Variants in SLC9A9 observed in about 807,000 individuals in gnomAD.
SLC9A9 encodes the protein sodium/hydrogen exchanger 9.
A neutral mutation model predicts 77.8 loss-of-function variants in SLC9A9; 62 were observed. The observed-to-expected ratio is 0.80, with a 90% CI of 0.65 to 0.98. SLC9A9 has a LOEUF of 0.98. SLC9A9 is among the 50% of genes least tolerant of loss of function. The probability of loss-of-function intolerance (pLI) is 0.00; values close to 1 mark genes in which losing one functional copy is unlikely to be tolerated. For synonymous variants in SLC9A9, 320 were observed against 283.5 expected, an observed-to-expected ratio of 1.13 and a Z score of -1.29; for missense variants, 775 against 774.9, an observed-to-expected ratio of 1.00 and a Z score of 0.00.
chr3:143,704,573 G>A (rs1933908315), intron 4 of SLC9A9, among the ~76,000 whole-genome samples: 1 of 152,046 alleles, frequency 6.6e-6, no homozygotes, highest in Non-Finnish European at 1.5e-5. Flanking sequence ...TCACCTCTAG[G>A]AATATATACA....
chr3:143,432,325 C>A (rs116071465), intron 12 of SLC9A9, among the ~76,000 whole-genome samples: 245 of 152,240 alleles, frequency 1.6e-3, no homozygotes, highest in African/African-American at 5.4e-3. Flanking sequence ...TGGGAACAGG[C>A]CCTGGAAAGG....
intron 6 of SLC9A9, among the ~76,000 whole-genome samples, chr3:143,634,238 T>C (rs1348531693): frequency 1.3e-5 from 2 of 152,192 alleles, no homozygotes; most frequent in Non-Finnish European, 2.9e-5. Context: ...GGGTCCTTTA[T>C]GTCTATCTAT....
intron 12 of SLC9A9, among the ~76,000 whole-genome samples, chr3:143,395,205 A>G (rs1004471469): frequency 6.6e-6 from 1 of 152,220 alleles, no homozygotes; most frequent in African/African-American, 2.4e-5. Flanking sequence ...ACTATACTAT[A>G]AGGCTACAGT....
intron 4 of SLC9A9, among the ~76,000 whole-genome samples, chr3:143,725,281 G>A (rs1214739851): frequency 6.6e-6 from 1 of 152,112 alleles, no homozygotes; most frequent in South Asian, 2.1e-4. Flanking sequence ...CTTTTACACT[G>A]TTGGTGGGAC....
intron 13 of SLC9A9, among the ~76,000 whole-genome samples, chr3:143,379,444 G>A (rs2033250832): frequency 1.3e-5 from 2 of 152,180 alleles, no homozygotes; most frequent in African/African-American, 4.8e-5. Context: ...CTGAAGATAA[G>A]CATTATCCCA....
At chr3:143,358,015 T>C (rs962436402) in intron 14 of SLC9A9, among the ~76,000 whole-genome samples, 1 of 123,618 alleles carries the variant, frequency 8.1e-6, no homozygotes, top group African/African-American at 3.6e-5. Context: ...GAGGGGAAGG[T>C]TTTTCTTTCC....
intron 4 of SLC9A9, among the ~76,000 whole-genome samples, chr3:143,785,926 G>C (rs1335920009): frequency 1.4e-5 from 2 of 139,564 alleles, no homozygotes; most frequent in Non-Finnish European, 3.0e-5. Flanking sequence ...GCGCGATCTC[G>C]ACTCACTGCA....
intron 4 of SLC9A9, among the ~76,000 whole-genome samples, chr3:143,740,259 T>C (rs1181929715): frequency 6.6e-6 from 1 of 152,156 alleles, no homozygotes; most frequent in Non-Finnish European, 1.5e-5. Context: ...GAGATATATA[T>C]ATAGCCAAAT....
chr3:143,525,785 G>A (rs1576553887), intron 9 of SLC9A9, among the ~76,000 whole-genome samples: 1 of 152,052 alleles, frequency 6.6e-6, no homozygotes, highest in African/African-American at 2.4e-5. Context: ...GAGAAGAAAA[G>A]TAAATGATAT....
rs375754709 is a variant in SLC9A9 at position 143,652,246 on chromosome 3, G to C, written c.755+9C>G. On this transcript the variant is annotated intron_variant, in intron 6 of 15. Transcript: ENST00000316549. ...ATTAAAGAAACATAGGCCAAGTTCT[G>C]GTACTTACTATGTAAGGACTATGGC... 7.0e-5 allele frequency: 112 copies of C among 1,597,216 alleles called. No individual in the cohort carries two copies. The Admixed American group carries it at 9.6e-4, about 14-fold the overall frequency.
intron 10 of SLC9A9, 59 bp downstream of exon 10, chr3:143,495,276 A>G (rs1271334215): frequency 5.0e-6 from 7 of 1,398,168 alleles, no homozygotes; most frequent in Non-Finnish European, 7.1e-6. Flanking sequence ...AATAATTCGT[A>G]AAAGTAAGTC....
At chr3:143,659,376 G>A (rs2038946212) in intron 5 of SLC9A9, among the ~76,000 whole-genome samples, 1 of 152,196 alleles carries the variant, frequency 6.6e-6, no homozygotes, top group Non-Finnish European at 1.5e-5. Flanking sequence ...TGTTAGTCAT[G>A]ATCATGGTAC....
intron 2 of SLC9A9, among the ~76,000 whole-genome samples, chr3:143,805,388 T>C (rs1048027374): frequency 1.3e-5 from 2 of 152,026 alleles, no homozygotes; most frequent in Admixed American, 6.6e-5. Context: ...CCATTATCTC[T>C]CCATGCCACC....
intron 14 of SLC9A9, among the ~76,000 whole-genome samples, chr3:143,329,941 A>C (rs917362313): frequency 1.3e-5 from 2 of 152,024 alleles, no homozygotes; most frequent in East Asian, 3.9e-4. Flanking sequence ...TTTTTTCTCC[A>C]TGATACAGGA....
At chr3:143,793,736 TG>T (rs1386510806) in intron 4 of SLC9A9, among the ~76,000 whole-genome samples, 1 of 152,220 alleles carries the variant, frequency 6.6e-6, no homozygotes, top group African/African-American at 2.4e-5. Flanking sequence ...TTATTCAAGA[TG>T]TCTCATCTTC....
chr3:143,757,715 A>C (rs1181607775), intron 4 of SLC9A9, among the ~76,000 whole-genome samples: 1 of 152,084 alleles, frequency 6.6e-6, no homozygotes, highest in Non-Finnish European at 1.5e-5. Flanking sequence ...TGGCTAACTC[A>C]TTCTATCTCT....
chr3:143,407,463 AT>A (rs2034004125), intron 12 of SLC9A9, among the ~76,000 whole-genome samples: 1 of 152,238 alleles, frequency 6.6e-6, no homozygotes, highest in Admixed American at 6.5e-5. Flanking sequence ...GAAATATGCC[AT>A]TCTTATCCAG....
chr3:143,488,917 A>G (rs2035696745), intron 11 of SLC9A9, among the ~76,000 whole-genome samples: 1 of 151,962 alleles, frequency 6.6e-6, no homozygotes, highest in Admixed American at 6.6e-5. Context: ...AAAGAAATAA[A>G]GGTATTCAAA....
chr3:143,697,845 G>A (rs1933686158), intron 4 of SLC9A9, among the ~76,000 whole-genome samples: 1 of 152,048 alleles, frequency 6.6e-6, no homozygotes, highest in Non-Finnish European at 1.5e-5. Context: ...AAAAAGCCCA[G>A]TTCAGTTCAA....
Sources: gnomAD v4.1 joint callset for allele counts (sites outside exome capture counted in the v4.1 genomes callset) on GRCh38, gnomAD v4.1.1 for gene constraint, MANE v1.5 for transcripts, NCBI Gene and HGNC (gene_info 2026-07-23, HGNC 2026-07-21) for gene names.